Variants in TTC39C observed in about 807,000 individuals in gnomAD.
The protein encoded by TTC39C is tetratricopeptide repeat protein 39C.
TTC39C carries 33 observed loss-of-function variants against 76.3 expected under a neutral mutation model. The ratio of observed to expected loss-of-function variants is 0.43; its 90% CI spans 0.33 to 0.58. The LOEUF (loss-of-function observed/expected upper bound fraction) is 0.58, where lower values mean the gene tolerates loss of function less well. Ranked by LOEUF, TTC39C falls within the 20% of genes least tolerant of loss-of-function variation. The pLI is 0.04. For synonymous variants in TTC39C, 254 were observed against 260.6 expected, an observed-to-expected ratio of 0.97 and a Z score of 0.24; for missense variants, 595 against 701.4, an observed-to-expected ratio of 0.85 and a Z score of 1.71.
intron 1 of TTC39C, among the ~76,000 whole-genome samples, chr18:24,022,064 G>C (rs1014703500): frequency 2.0e-5 from 3 of 152,046 alleles, no homozygotes; most frequent in Non-Finnish European, 4.4e-5. Context: ...TCTTGTGTAC[G>C]TCAATGTAAA....
At chr18:24,050,279 G>C (rs2083931627) in intron 1 of TTC39C, among the ~76,000 whole-genome samples, 1 of 152,148 alleles carries the variant, frequency 6.6e-6, no homozygotes, top group African/African-American at 2.4e-5. Flanking sequence ...AGGCTAAAAA[G>C]TGAAATGTGG....
chr18:24,023,618 G>T (rs547336528), intron 1 of TTC39C, among the ~76,000 whole-genome samples: 14 of 151,986 alleles, frequency 9.2e-5, no homozygotes, highest in East Asian at 1.9e-4. Context: ...GTACCCCTAG[G>T]GGGTGGTGCT....
intron 6 of TTC39C, among the ~76,000 whole-genome samples, chr18:24,094,580 T>C (rs1313021128): frequency 1.3e-5 from 2 of 152,226 alleles, no homozygotes; most frequent in Non-Finnish European, 1.5e-5. Context: ...TTCCATGAGC[T>C]GCAGAATGGA....
intron 1 of TTC39C, among the ~76,000 whole-genome samples, chr18:24,021,539 C>CTTTTTT (rs60505555): frequency 1.1e-4 from 13 of 118,896 alleles, no homozygotes; most frequent in African/African-American, 3.3e-4. Flanking sequence ...TTCTTTCCTT[C>CTTTTTT]TTTTTTTTTT....
At chr18:24,083,613 A>T (rs931826510) in intron 6 of TTC39C, among the ~76,000 whole-genome samples, 1 of 152,150 alleles carries the variant, frequency 6.6e-6, no homozygotes, top group Non-Finnish European at 1.5e-5. Flanking sequence ...ACCCTGTGAC[A>T]TAGGTGTAAA....
At chr18:24,064,614 T>C (rs1471572180) in intron 2 of TTC39C, among the ~76,000 whole-genome samples, 2 of 152,206 alleles carry the variant, frequency 1.3e-5, no homozygotes, top group African/African-American at 4.8e-5. Context: ...TATTTGGGAA[T>C]TGAGGAAGTA....
intron 6 of TTC39C, among the ~76,000 whole-genome samples, chr18:24,106,369 CAG>C (rs2084745211): frequency 6.8e-6 from 1 of 147,192 alleles, no homozygotes; most frequent in South Asian, 2.1e-4. Flanking sequence ...GCTGGAATCA[CAG>C]AGTTTAGTGA....
At position 24,027,121 on chromosome 18, in the gene TTC39C, G is replaced by A. The variant is rs550652742; in HGVS notation, c.167+12083G>A. ...AGCCTGGCCAACATGGTGAAACCCC[G>A]TCTCTACTAAAAATACAAAAATTAG... is the stretch of plus-strand genomic sequence containing the variant. On this transcript the variant is annotated intron_variant, in intron 1 of 13. Coordinates refer to ENST00000317571, the MANE Select transcript of TTC39C (RefSeq NM_001135993.2). Among the ~76,000 whole-genome samples the A allele has an allele frequency of 1.2e-4, 19 of 152,092 alleles. No homozygotes were observed. In the East Asian group the frequency reaches 1.7e-3, roughly 14 times the overall value.
chr18:24,066,085 G>A lies in TTC39C; in HGVS notation c.290G>A (p.Cys97Tyr), dbSNP rs775201911. ...GACTTAAAAACCACAGAAAAACTGT[G>A]TGAAAGTGAAGAGGCTGGAGTAATT... ...CDDLKTTEKL[C>Y]ESEEAGVIET... Residue 97 changes from cysteine (C) to tyrosine (Y), a missense_variant, in exon 3 of 14, where the codon TGT (cysteine) becomes TAT (tyrosine). Cys to Tyr is a radical substitution (Grantham distance 194). Transcript: ENST00000317571. The A allele has an allele frequency of 6.3e-7, 1 of 1,598,138 alleles. No individual in the cohort carries two copies. The highest frequency in any genetic ancestry group is 8.5e-7 in the Non-Finnish European group (1 of 1,176,258).
chr18:24,114,100 G>T, intron 6 of TTC39C: 1 of 267,298 alleles, frequency 3.7e-6, no homozygotes, highest in Non-Finnish European at 7.2e-6. Context: ...GGCGCACACG[G>T]GGATGAAATA....
intron 4 of TTC39C, among the ~76,000 whole-genome samples, chr18:24,072,488 G>A (rs1199340152): frequency 1.3e-5 from 2 of 152,114 alleles, no homozygotes; most frequent in African/African-American, 4.8e-5. Context: ...GTAGAGACAG[G>A]GTTTCACCAT....
chr18:24,124,236 C>A, intron 9 of TTC39C: 1 of 222,362 alleles, frequency 4.5e-6, no homozygotes, highest in Non-Finnish European at 8.7e-6. Flanking sequence ...TCATGGAAAT[C>A]TTTAGCAAAA....
At chr18:24,006,210 G>T (rs552107010) in intron 1 of TTC39C, among the ~76,000 whole-genome samples, 1 of 152,048 alleles carries the variant, frequency 6.6e-6, no homozygotes, top group East Asian at 1.9e-4. Flanking sequence ...TTGGGGTTTT[G>T]CTATGTTGCT....
At chr18:24,100,385 C>T (rs751804530) in intron 6 of TTC39C, among the ~76,000 whole-genome samples, 13 of 152,194 alleles carry the variant, frequency 8.5e-5, no homozygotes, top group South Asian at 2.1e-4. Context: ...CCACTCTGGC[C>T]GAGTGACCTT....
intron 4 of TTC39C, among the ~76,000 whole-genome samples, chr18:24,079,330 G>A (rs2084347179): frequency 6.6e-6 from 1 of 152,166 alleles, no homozygotes; most frequent in South Asian, 2.1e-4. Context: ...ATATTCCTAG[G>A]AGGAGTGGTC....
In TTC39C at chr18:24,014,770, T is replaced by C. The variant is rs1270378663; in HGVS notation, c.-102T>C. ...CCCTCCCCTCCCCTCCCCTCCCGGC[T>C]CCGCTTGGCTCCGGGCAGGTAGAGC... On this transcript the variant is annotated 5_prime_UTR_variant, in exon 1 of 14. Coordinates refer to ENST00000317571, the MANE Select transcript of TTC39C (RefSeq NM_001135993.2). 21 of 1,120,092 alleles carry C rather than the reference T, an allele frequency of 1.9e-5. No homozygotes were observed. Among genetic ancestry groups the C allele is most frequent in the Non-Finnish European group, 2.3e-5 (21 of 916,630 alleles). 69.4% of individuals were successfully genotyped at this position (1,120,092 alleles called of 1,614,324 possible). A position where few individuals can be genotyped will look rare whatever the true frequency, so the allele number is the denominator to read the frequency against.
intron 6 of TTC39C, among the ~76,000 whole-genome samples, chr18:24,106,484 G>A (rs937249847): frequency 2.0e-5 from 3 of 152,148 alleles, no homozygotes; most frequent in Non-Finnish European, 4.4e-5. Context: ...GGGTGCTGGG[G>A]TGTGTGATGT....
intron 1 of TTC39C, among the ~76,000 whole-genome samples, chr18:24,056,302 C>T (rs2084015809): frequency 6.6e-6 from 1 of 152,088 alleles, no homozygotes; most frequent in African/African-American, 2.4e-5. Context: ...CCCCGTGCTT[C>T]GTTTATAATC....
chr18:24,077,622 G>A (rs1220699422), intron 4 of TTC39C, among the ~76,000 whole-genome samples: 1 of 152,184 alleles, frequency 6.6e-6, no homozygotes. Flanking sequence ...TCCTCAGGTG[G>A]CAAGCACAGT....
Sources: gnomAD v4.1 joint callset for allele counts (sites outside exome capture counted in the v4.1 genomes callset) on GRCh38, gnomAD v4.1.1 for gene constraint, MANE v1.5 for transcripts, NCBI Gene and HGNC (gene_info 2026-07-23, HGNC 2026-07-21) for gene names.